The following CCDC62 variants were observed in gnomAD, a reference collection of about 807,000 sequenced individuals.
CCDC62 encodes the protein coiled-coil domain containing 62.
Under a neutral mutation model 80.8 loss-of-function variants are expected in CCDC62, and 72 were observed. The ratio of observed to expected loss-of-function variants is 0.89; its 90% CI spans 0.74 to 1.08. The LOEUF (loss-of-function observed/expected upper bound fraction) is 1.08. Among genes scored for constraint, CCDC62 ranks in the 50% least tolerant of loss-of-function variants. The pLI is 0.00. For missense variants in CCDC62, 704 were observed against 809.4 expected (o/e 0.87, Z 1.58); for synonymous variants, 286 against 296.5 (o/e 0.96, Z 0.36).
chr12:122,818,129 A>G (rs2032244682), intron 11 of CCDC62, among the ~76,000 whole-genome samples: 1 of 151,938 alleles, frequency 6.6e-6, no homozygotes, highest in Admixed American at 6.6e-5. Context: ...GCAACATACC[A>G]AGACTTTGTC....
chr12:122,800,563 G>C (rs138436155), intron 8 of CCDC62, among the ~76,000 whole-genome samples: 3,482 of 151,924 alleles, frequency 0.023, 70 homozygotes, highest in Non-Finnish European at 0.037. Flanking sequence ...AAGTAGCTGG[G>C]AATACAGGCC....
rs896847842 is a variant in CCDC62, at chr12:122,801,749, A to G, written c.1603A>G (p.Met535Val). ...APGHMSDVEW[M>V]SIFKPSKMQR... ...AGGCCACATGTCTGACGTGGAGTGG[A>G]TGAGTATTTTCAAGCCTTCCAAAAT... Residue 535 changes from methionine (M) to valine (V), a missense_variant, in exon 9 of 13, where the codon ATG becomes GTG. Physicochemically the swap from Met to Val is conservative, Grantham distance 21. Transcript: ENST00000253079. The G allele has an allele frequency of 1.2e-6, 2 of 1,614,054 alleles. No homozygotes were observed. The highest frequency in any genetic ancestry group is 1.7e-5 in the Admixed American group (1 of 59,988).
At position 122,777,629 on chromosome 12, in the gene CCDC62, G is replaced by A; in HGVS notation, c.175G>A (p.Glu59Lys). 6.2e-7 allele frequency: 1 copy of A among 1,614,162 alleles called. No individual in the cohort carries two copies. The highest frequency in any genetic ancestry group is 8.5e-7 in the Non-Finnish European group (1 of 1,180,012). The change falls in exon 2 of 13, where the codon GAA (glutamate) becomes AAA (lysine). Residue 59 changes from glutamate (E) to lysine (K), a missense_variant. By Grantham distance (56) the Glu-to-Lys change is moderately conservative (BLOSUM62 1). Transcript: ENST00000253079. ...GCACCAGCAACAGCTTCTTTCATGG[G>A]AAGAGGATCGGCAGAAAGTGTTGAC... ...AVHQQQLLSW[E>K]EDRQKVLTLE...
At chr12:122,794,776 C>T (rs1263823802) in intron 6 of CCDC62, among the ~76,000 whole-genome samples, 1 of 152,152 alleles carries the variant, frequency 6.6e-6, no homozygotes, top group African/African-American at 2.4e-5. Flanking sequence ...GCCACCTCAG[C>T]CTCCTGAGTT....
rs775750156 is a variant in CCDC62, at chr12:122,777,591, A to G, written c.137A>G (p.Asp46Gly). 3.7e-6 allele frequency: 6 copies of G among 1,614,076 alleles called. No individual in the cohort carries two copies. In the South Asian group the frequency reaches 6.6e-5, roughly 18 times the overall value. Residue 46 changes from aspartate (D) to glycine (G), a missense_variant, in exon 2 of 13, where the codon GAC (aspartate) becomes GGC (glycine). By Grantham distance (94) the Asp-to-Gly change is moderately conservative. Transcript: ENST00000253079. ...AAAGATCGAGATAAAGAGCTCAATG[A>G]CATGGTTGCAGTGCACCAGCAACAG... The part of the protein sequence containing the change: ...ELKDRDKELN[D>G]MVAVHQQQLL...
chr12:122,792,155 G>A (rs1282718938), intron 6 of CCDC62, 34 bp downstream of exon 6: 1 of 1,224,200 alleles, frequency 8.2e-7, no homozygotes, highest in East Asian at 2.4e-5. Context: ...TTGTAACCTA[G>A]ACTTGCAATG....
intron 10 of CCDC62, among the ~76,000 whole-genome samples, chr12:122,806,674 C>T (rs1205745632): frequency 6.6e-6 from 1 of 151,770 alleles, no homozygotes; most frequent in Non-Finnish European, 1.5e-5. Context: ...GAGACAGGGT[C>T]TCAATTTGTT....
At chr12:122,802,711 G>A (rs1185421261) in intron 9 of CCDC62, among the ~76,000 whole-genome samples, 2 of 151,716 alleles carry the variant, frequency 1.3e-5, no homozygotes, top group Non-Finnish European at 2.9e-5. Context: ...ACCACACTTG[G>A]CCTCTACACA....
chr12:122,787,583 A>G (rs2030337046), intron 4 of CCDC62, among the ~76,000 whole-genome samples: 1 of 150,632 alleles, frequency 6.6e-6, no homozygotes, highest in Admixed American at 6.6e-5. Flanking sequence ...AACCTCATCT[A>G]TTTTTAAAAA....
chr12:122,806,404 G>T (rs1192994211), intron 10 of CCDC62, 109 bp downstream of exon 10: 15 of 438,624 alleles, frequency 3.4e-5, no homozygotes, highest in South Asian at 1.2e-4. Flanking sequence ...CTATTCCTCC[G>T]TTTTTTTTTT....
chr12:122,807,522 T>C, intron 10 of CCDC62, among the ~76,000 whole-genome samples: 2 of 96,650 alleles, frequency 2.1e-5, no homozygotes, highest in African/African-American at 3.7e-5. Context: ...AGAGTGAGAC[T>C]CTGTCTCAAA....
At chr12:122,787,932 G>A (rs748470264) in intron 4 of CCDC62, among the ~76,000 whole-genome samples, 1 of 152,172 alleles carries the variant, frequency 6.6e-6, no homozygotes, top group Admixed American at 6.6e-5. Context: ...CTGTGTTCCT[G>A]TACTTATTAG....
chr12:122,815,392 C>T (rs1371147155), intron 11 of CCDC62, among the ~76,000 whole-genome samples: 3 of 151,722 alleles, frequency 2.0e-5, no homozygotes, highest in African/African-American at 7.3e-5. Context: ...CTTTTCTTAA[C>T]AGTGTCTTTT....
chr12:122,812,047 G>A (rs1429764936), intron 10 of CCDC62, among the ~76,000 whole-genome samples: 2 of 152,094 alleles, frequency 1.3e-5, no homozygotes, highest in Non-Finnish European at 2.9e-5. Flanking sequence ...AGTTGGTTGA[G>A]GAGAGTTAAC....
intron 11 of CCDC62, among the ~76,000 whole-genome samples, chr12:122,817,780 CTG>C (rs143924355): frequency 1.4e-4 from 22 of 152,152 alleles, no homozygotes; most frequent in African/African-American, 5.3e-4. Context: ...TAGTGTAGCT[CTG>C]TGTGTGTGTG....
At chr12:122,796,940 C>T (rs905030804) in intron 6 of CCDC62, among the ~76,000 whole-genome samples, 3 of 147,836 alleles carry the variant, frequency 2.0e-5, no homozygotes, top group East Asian at 4.0e-4. Context: ...AGTGCAGTGG[C>T]GCAATCTCTG....
chr12:122,826,464 G>C lies in CCDC62; in HGVS notation c.*83G>C. 1.3e-6 allele frequency: 1 copy of C among 777,750 alleles called. No homozygotes were observed. Among genetic ancestry groups the C allele is most frequent in the Non-Finnish European group, 2.4e-6 (1 of 416,758 alleles). The allele number at this position is 777,750 out of a possible 1,614,324, so 48.2% of individuals were successfully genotyped here. A position where few individuals can be genotyped will look rare whatever the true frequency, so the allele number is the denominator to read the frequency against. ...AAGGCAGAAAGCAGACACCAATACT[G>C]AATGAATACTTAACCGTAAAACTGA... On this transcript the variant is annotated 3_prime_UTR_variant, in exon 13 of 13. Coordinates refer to ENST00000253079, the MANE Select transcript of CCDC62 (RefSeq NM_201435.5).
chr12:122,777,496 C>A lies in CCDC62; in HGVS notation c.42C>A (p.Ile14=). 2 of 1,606,232 alleles carry A rather than the reference C, an allele frequency of 1.2e-6. No homozygotes were observed. Among genetic ancestry groups the A allele is most frequent in the Non-Finnish European group, 1.7e-6 (2 of 1,175,360 alleles). Residue 14 remains isoleucine, a synonymous_variant, in exon 2 of 13, where the codon ATC becomes ATA. Transcript: ENST00000253079. ...AAACCGCTTTCTATGTTTAGAACAT[C>A]GGGTCAGAAGTTGAGATTTCCACTA... The part of the protein sequence containing the change: ...PAAFLAGRQN[I]GSEVEISTIE...
At position 122,808,462 on chromosome 12, in the gene CCDC62, AT is replaced by A. The variant is rs578014086; in HGVS notation, c.1851+2176del. Among the ~76,000 whole-genome samples the A allele has an allele frequency of 2.7e-4, 40 of 150,588 alleles. No individual in the cohort carries two copies. In the Middle Eastern group the frequency reaches 0.014, roughly 51 times the overall value. On this transcript the variant is annotated intron_variant, in intron 10 of 12. Coordinates refer to ENST00000253079, the MANE Select transcript of CCDC62 (RefSeq NM_201435.5). Reference sequence around the variant, plus strand: ...GTATCATAAGTCTTTGTATAGACACATTTTTTTTTCGTTTATCTAGGAATGG... The same window carrying A: ...GTATCATAAGTCTTTGTATAGACACATTTTTTTTCGTTTATCTAGGAATGG...
Sources: gnomAD v4.1 joint callset for allele counts (sites outside exome capture counted in the v4.1 genomes callset) on GRCh38, gnomAD v4.1.1 for gene constraint, MANE v1.5 for transcripts, NCBI Gene and HGNC (gene_info 2026-07-23, HGNC 2026-07-21) for gene names.